The following NOSTRIN variants were observed in gnomAD, a reference collection of about 807,000 sequenced individuals.
The protein encoded by NOSTRIN is nitric oxide synthase trafficking.
In NOSTRIN, 63 loss-of-function variants were observed where a neutral mutation model predicts 59.0. That is an observed-to-expected ratio of 1.07 (90% CI 0.87 to 1.32). NOSTRIN has a LOEUF of 1.32. Ranked by LOEUF, NOSTRIN falls within the 40% of genes most tolerant of loss-of-function variation. The pLI is 0.00. For synonymous variants in NOSTRIN, 200 were observed against 165.4 expected (o/e 1.21, Z -1.61); for missense variants, 512 against 473.1 (o/e 1.08, Z -0.76).
At chr2:168,794,514 G>T (rs1574247148), upstream of NOSTRIN, among the ~76,000 whole-genome samples, 1 of 151,362 alleles carries the variant, frequency 6.6e-6, no homozygotes, top group Admixed American at 6.6e-5. Context: ...ACCGCGCCTG[G>T]CTAATTTTTT....
At chr2:168,837,620 T>C (rs1305477988) in intron 7 of NOSTRIN, among the ~76,000 whole-genome samples, 2 of 152,136 alleles carry the variant, frequency 1.3e-5, no homozygotes, top group Non-Finnish European at 2.9e-5. Flanking sequence ...CAATATATCT[T>C]AGTGAAAGGG....
intron 8 of NOSTRIN, among the ~76,000 whole-genome samples, chr2:168,850,322 A>C (rs1057278502): frequency 1.3e-5 from 2 of 152,230 alleles, no homozygotes; most frequent in Non-Finnish European, 2.9e-5. Context: ...CATCTCACAC[A>C]AAATAAAGAG....
intron 5 of NOSTRIN, among the ~76,000 whole-genome samples, chr2:168,828,944 C>T (rs1687207598): frequency 6.6e-6 from 1 of 151,956 alleles, no homozygotes; most frequent in South Asian, 2.1e-4. Flanking sequence ...GAAGAAGCTT[C>T]TCAAAATGTT....
At chr2:168,820,716 G>T (rs1396752451) in intron 2 of NOSTRIN, among the ~76,000 whole-genome samples, 1 of 25,394 alleles carries the variant, frequency 3.9e-5, no homozygotes, top group African/African-American at 1.7e-4. Context: ...AGAAAAGCTG[G>T]CCAAAAAAAA....
At position 168,845,209 on chromosome 2, in the gene NOSTRIN, C is replaced by A. The variant is rs1023472245; in HGVS notation, c.630+2092C>A. ...CAGGGATTTAAATTCTAACTTGATT[C>A]ATTTGAAATCTGGCTCTGCAACCTG... On this transcript the variant is annotated intron_variant, in intron 8 of 15. Transcript: ENST00000317647. Among the ~76,000 whole-genome samples, 6 of 152,162 alleles carry A rather than the reference C, an allele frequency of 3.9e-5. No homozygotes were observed. The East Asian group carries it at 5.8e-4, about 15-fold the overall frequency.
At chr2:168,863,531 C>CAATT in intron 15 of NOSTRIN, 2 of 985,236 alleles carry the variant, frequency 2.0e-6, no homozygotes, top group Non-Finnish European at 2.4e-6. Context: ...GTTTCTTGTC[C>CAATT]AATTCTCTAT....
At chr2:168,846,791 C>G (rs1258930940) in intron 8 of NOSTRIN, among the ~76,000 whole-genome samples, 4 of 152,162 alleles carry the variant, frequency 2.6e-5, no homozygotes, top group Non-Finnish European at 5.9e-5. Context: ...TCCTCTAAAT[C>G]CCAGAACACA....
rs145495723 is a variant in NOSTRIN, at chr2:168,862,123, G to C, written c.1384+74G>C. The C allele has an allele frequency of 8.4e-4, 1,125 of 1,343,138 alleles. 4 individuals carry two copies. In the African/African-American group the frequency reaches 0.014, roughly 16 times the overall value. The allele number at this position is 1,343,138 out of a possible 1,614,324, so 83.2% of individuals were successfully genotyped here. A position where few individuals can be genotyped will look rare whatever the true frequency, so the allele number is the denominator to read the frequency against. On this transcript the variant is annotated intron_variant, in intron 15 of 15. Transcript: ENST00000317647. The stretch of plus-strand genomic sequence containing the variant: ...TTAGCATGAATAAAACCCTGTCTTA[G>C]TGTGGCAGCCTTAAGAGTTACTACC...
At chr2:168,855,551 T>A in intron 11 of NOSTRIN, 91 bp downstream of exon 11, 1 of 582,582 alleles carries the variant, frequency 1.7e-6, no homozygotes, top group Non-Finnish European at 2.9e-6. Context: ...CTTTTGCTAT[T>A]TGGCAGGGGT....
At chr2:168,856,448 A>G in intron 11 of NOSTRIN, 2 of 482,424 alleles carry the variant, frequency 4.1e-6, no homozygotes, top group Non-Finnish European at 7.5e-6. Context: ...GGTGGCATAC[A>G]CCTGTAATCC....
At chr2:168,824,906 G>A (rs1253146190) in intron 3 of NOSTRIN, among the ~76,000 whole-genome samples, 189 bp downstream of exon 3, 1 of 151,846 alleles carries the variant, frequency 6.6e-6, no homozygotes, top group Non-Finnish European at 1.5e-5. Context: ...CTCCCATATA[G>A]AGTAGCTGGG....
At chr2:168,809,340 C>T (rs1484144078) in intron 1 of NOSTRIN, among the ~76,000 whole-genome samples, 2 of 152,162 alleles carry the variant, frequency 1.3e-5, no homozygotes, top group Non-Finnish European at 2.9e-5. Flanking sequence ...ACTGAAACCT[C>T]ATACAAAACC....
At chr2:168,795,637 A>T (rs1212987055), upstream of NOSTRIN, among the ~76,000 whole-genome samples, 1 of 152,228 alleles carries the variant, frequency 6.6e-6, no homozygotes, top group African/African-American at 2.4e-5. Context: ...ACCCTATTAC[A>T]CTGACTATAA....
upstream of NOSTRIN, among the ~76,000 whole-genome samples, chr2:168,793,579 C>A (rs1251240783): frequency 1.3e-5 from 2 of 152,088 alleles, no homozygotes; most frequent in Admixed American, 1.3e-4. Context: ...TCACTGCACT[C>A]CAGCCTGAGT....
chr2:168,815,543 A>G (rs1158384979), intron 2 of NOSTRIN, among the ~76,000 whole-genome samples: 2 of 152,246 alleles, frequency 1.3e-5, no homozygotes, highest in African/African-American at 4.8e-5. Flanking sequence ...CTGGACATTA[A>G]AAAGAAAAGA....
chr2:168,797,085 T>TTTTTTTTTTTTTTTTTTTTTTTTTTTTG (rs1559099091), upstream of NOSTRIN, among the ~76,000 whole-genome samples: 1 of 94,144 alleles, frequency 1.1e-5, no homozygotes, highest in African/African-American at 5.0e-5. Context: ...TTTTCTTTTT[T>TTTTTTTTTTTTTTTTTTTTTTTTTTTTG]TTTTTTTTTT....
upstream of NOSTRIN, chr2:168,801,341 C>T (rs1685609229): frequency 6.6e-6 from 1 of 150,940 alleles, no homozygotes; most frequent in Non-Finnish European, 1.5e-5. Flanking sequence ...CTGCCTCAAC[C>T]TCTTGAGTAG....
upstream of NOSTRIN, among the ~76,000 whole-genome samples, chr2:168,793,371 C>T (rs1250449335): frequency 6.6e-6 from 1 of 152,166 alleles, no homozygotes; most frequent in East Asian, 1.9e-4. Context: ...CTTTGGAAGG[C>T]TGAGGTGGGT....
At position 168,856,792 on chromosome 2, in the gene NOSTRIN, G is replaced by T; in HGVS notation, c.1053+14G>T. 2 of 1,610,416 alleles carry T rather than the reference G, an allele frequency of 1.2e-6. No individual in the cohort carries two copies. Among genetic ancestry groups the T allele is most frequent in the Non-Finnish European group, 1.7e-6 (2 of 1,176,696 alleles). ...TTAATGGATGAGGTAAATGTTTGCCGAGTGCATTTCCTAGATGTAGTGATG... is the reference window on the plus strand; with the variant it reads ...TTAATGGATGAGGTAAATGTTTGCCTAGTGCATTTCCTAGATGTAGTGATG... On this transcript the variant is annotated intron_variant, in intron 12 of 15. Coordinates refer to ENST00000317647, the MANE Select transcript of NOSTRIN (RefSeq NM_001039724.4).
Sources: gnomAD v4.1 joint callset for allele counts (sites outside exome capture counted in the v4.1 genomes callset) on GRCh38, gnomAD v4.1.1 for gene constraint, MANE v1.5 for transcripts, NCBI Gene and HGNC (gene_info 2026-07-23, HGNC 2026-07-21) for gene names.